The following LYPD6B variants were observed in gnomAD, a reference collection of about 807,000 sequenced individuals.
LYPD6B encodes ly6/PLAUR domain-containing protein 6B.
LYPD6B carries 17 observed loss-of-function variants against 22.8 expected under a neutral mutation model. That is an observed-to-expected ratio of 0.75 (90% CI 0.51 to 1.12). LYPD6B has a LOEUF of 1.12. Ranked by LOEUF, LYPD6B falls within the 50% of genes most tolerant of loss-of-function variation. The pLI is 0.00. For synonymous variants in LYPD6B, 106 were observed against 91.6 expected, an observed-to-expected ratio of 1.16 and a Z score of -0.90; for missense variants, 221 against 258.3, an observed-to-expected ratio of 0.86 and a Z score of 0.99.
At chr2:149,154,209 A>G (rs759680524) in intron 2 of LYPD6B, 12 of 151,790 alleles carry the variant, frequency 7.9e-5, no homozygotes, top group Non-Finnish European at 1.4e-4. Flanking sequence ...TCCTGGATTG[A>G]ATGTGGACTC....
At chr2:149,198,627 G>A (rs752927491) in intron 3 of LYPD6B, among the ~76,000 whole-genome samples, 6 of 152,332 alleles carry the variant, frequency 3.9e-5, no homozygotes, top group African/African-American at 1.4e-4. Context: ...TTTAACATCA[G>A]TGCTGCTTTA....
rs571325479 is a variant in LYPD6B, at chr2:149,082,751, T to C, written c.-67+43950T>C. On this transcript the variant is annotated intron_variant, in intron 1 of 6. Transcript: ENST00000409642. ...TTGGCACTGTTATTATTTGAAATCA[T>C]TTGGGGCTCCTCTTGTGGCAGTGGA... is the stretch of plus-strand genomic sequence containing the variant. Among the ~76,000 whole-genome samples the C allele has an allele frequency of 5.3e-5, 8 of 152,298 alleles. No individual in the cohort carries two copies. In the South Asian group the frequency reaches 1.7e-3, roughly 32 times the overall value.
intron 3 of LYPD6B, chr2:149,188,679 G>A (rs1283842143): frequency 1.0e-6 from 1 of 981,414 alleles, no homozygotes; most frequent in Non-Finnish European, 1.2e-6. Flanking sequence ...AAGGAAAATG[G>A]TGACAGAGGA....
At chr2:149,104,068 G>A (rs983111562) in intron 1 of LYPD6B, among the ~76,000 whole-genome samples, 1 of 151,966 alleles carries the variant, frequency 6.6e-6, no homozygotes, top group Non-Finnish European at 1.5e-5. Flanking sequence ...GTGAGCCACC[G>A]CACCTGGCCA....
chr2:149,044,827 AATTTT>A (rs1412613529), intron 1 of LYPD6B, among the ~76,000 whole-genome samples: 2 of 40,412 alleles, frequency 4.9e-5, no homozygotes, highest in Admixed American at 8.3e-4. Flanking sequence ...GTGGATTTTG[AATTTT>A]ATTGAATGCT....
chr2:149,104,066 C>T (rs1230175079), intron 1 of LYPD6B, among the ~76,000 whole-genome samples: 1 of 152,084 alleles, frequency 6.6e-6, no homozygotes, highest in East Asian at 1.9e-4. Flanking sequence ...GTGTGAGCCA[C>T]CGCACCTGGC....
At chr2:149,196,038 T>A (rs1355579549) in intron 3 of LYPD6B, among the ~76,000 whole-genome samples, 1 of 152,194 alleles carries the variant, frequency 6.6e-6, no homozygotes, top group East Asian at 1.9e-4. Flanking sequence ...ATGAACCGTA[T>A]CGTGAACCAT....
chr2:149,181,393 G>A (rs1288311627), intron 3 of LYPD6B, among the ~76,000 whole-genome samples: 1 of 152,162 alleles, frequency 6.6e-6, no homozygotes, highest in Non-Finnish European at 1.5e-5. Context: ...CAGCTTTGCT[G>A]TTGTTCAGTG....
At chr2:149,050,146 G>A (rs1040494180) in intron 1 of LYPD6B, among the ~76,000 whole-genome samples, 2 of 152,072 alleles carry the variant, frequency 1.3e-5, no homozygotes, top group African/African-American at 4.8e-5. Flanking sequence ...TGGTGAGTGA[G>A]GTTCAGCTTG....
At chr2:149,099,868 G>A (rs769687259) in intron 1 of LYPD6B, among the ~76,000 whole-genome samples, 5 of 152,180 alleles carry the variant, frequency 3.3e-5, no homozygotes, top group Non-Finnish European at 7.3e-5. Flanking sequence ...ACATAGCAGT[G>A]TGATATTTAA....
chr2:149,157,967 C>G (rs229325), intron 2 of LYPD6B, among the ~76,000 whole-genome samples: 120,094 of 152,074 alleles, frequency 0.79, 47,674 homozygotes, highest in Non-Finnish European at 0.83. Flanking sequence ...TAAGCTTTAG[C>G]CACATGGTAT....
intron 1 of LYPD6B, among the ~76,000 whole-genome samples, chr2:149,094,623 C>G (rs1685818546): frequency 6.6e-6 from 1 of 152,146 alleles, no homozygotes; most frequent in Non-Finnish European, 1.5e-5. Context: ...TAGACAGATT[C>G]TTCTCTGTGA....
intron 1 of LYPD6B, among the ~76,000 whole-genome samples, chr2:149,062,111 C>T (rs895455563): frequency 7.9e-5 from 12 of 152,000 alleles, no homozygotes; most frequent in Non-Finnish European, 1.6e-4. Context: ...CCTCAGCCTC[C>T]CGAGTAGCTG....
chr2:149,068,501 G>C (rs1281391364), intron 1 of LYPD6B: 1 of 248,904 alleles, frequency 4.0e-6, no homozygotes, highest in Non-Finnish European at 8.6e-6. Flanking sequence ...TGGCAGTTGG[G>C]TATATAGTCT....
intron 1 of LYPD6B, among the ~76,000 whole-genome samples, chr2:149,077,967 T>TG (rs5835283): frequency 0.35 from 53,293 of 152,018 alleles, 9,779 homozygotes; most frequent in South Asian, 0.44. Flanking sequence ...AAGCAACTGC[T>TG]GCTGTTTCCT....
intron 2 of LYPD6B, among the ~76,000 whole-genome samples, chr2:149,134,789 G>C (rs1203584927): frequency 1.3e-5 from 2 of 152,182 alleles, no homozygotes; most frequent in Non-Finnish European, 2.9e-5. Flanking sequence ...CTGTCTACCA[G>C]CCCAGGGCTA....
At chr2:149,151,387 A>T (rs1426542516) in intron 2 of LYPD6B, among the ~76,000 whole-genome samples, 1 of 152,170 alleles carries the variant, frequency 6.6e-6, no homozygotes, top group Non-Finnish European at 1.5e-5. Context: ...TCTCAGTCTC[A>T]TACTTTATCC....
At chr2:149,089,811 G>T (rs1667233262) in intron 1 of LYPD6B, among the ~76,000 whole-genome samples, 1 of 152,128 alleles carries the variant, frequency 6.6e-6, no homozygotes, top group Non-Finnish European at 1.5e-5. Context: ...ATATTTCAAT[G>T]GTTCAATAAA....
At chr2:149,198,351 T>C (rs1160691599) in intron 3 of LYPD6B, among the ~76,000 whole-genome samples, 1 of 152,158 alleles carries the variant, frequency 6.6e-6, no homozygotes, top group Non-Finnish European at 1.5e-5. Flanking sequence ...TGCTTTTAAA[T>C]TTTTTCTATG....
Sources: allele counts gnomAD v4.1 joint callset (sites outside exome capture counted in the v4.1 genomes callset), GRCh38; gene constraint gnomAD v4.1.1; transcripts MANE v1.5; gene names NCBI Gene and HGNC (gene_info 2026-07-23, HGNC 2026-07-21).